COP1: variants seen among roughly 807,000 people sequenced by gnomAD.
COP1 encodes E3 ubiquitin-protein ligase COP1.
A neutral mutation model predicts 101.3 loss-of-function variants in COP1; 24 were observed. The ratio of observed to expected loss-of-function variants is 0.24; its 90% CI spans 0.17 to 0.33. COP1 has a LOEUF of 0.33. COP1 is among the 10% of genes least tolerant of loss of function. The pLI, the probability that COP1 is intolerant of heterozygous loss-of-function variation, is 1.00. For missense variants in COP1, 663 were observed against 906.2 expected, an observed-to-expected ratio of 0.73 and a Z score of 3.45; for synonymous variants, 347 against 341.9, an observed-to-expected ratio of 1.01 and a Z score of -0.17.
chr1:175,994,188 A>G (rs1337935673), intron 15 of COP1, among the ~76,000 whole-genome samples: 1 of 152,188 alleles, frequency 6.6e-6, no homozygotes, highest in Non-Finnish European at 1.5e-5. Context: ...ACAGACAAAC[A>G]AATGCTGAGA....
intron 9 of COP1, among the ~76,000 whole-genome samples, chr1:176,095,565 C>T (rs1682193166): frequency 6.6e-6 from 1 of 151,996 alleles, no homozygotes; most frequent in Non-Finnish European, 1.5e-5. Flanking sequence ...ACCTGCAGTC[C>T]CAGCTATTGG....
intron 11 of COP1, among the ~76,000 whole-genome samples, chr1:176,067,556 G>C (rs1676214443): frequency 6.6e-6 from 1 of 152,056 alleles, no homozygotes; most frequent in Non-Finnish European, 1.5e-5. Flanking sequence ...CCTGGCCACT[G>C]AGCGGCCCGA....
chr1:176,004,916 C>T (rs1447485616), intron 15 of COP1, among the ~76,000 whole-genome samples: 2 of 151,620 alleles, frequency 1.3e-5, no homozygotes, highest in African/African-American at 4.8e-5. Context: ...GGAATAGTTT[C>T]AGAAGGAATG....
At chr1:175,959,175 T>A (rs935658941) in intron 18 of COP1, among the ~76,000 whole-genome samples, 7 of 151,824 alleles carry the variant, frequency 4.6e-5, no homozygotes, top group Admixed American at 1.3e-4. Context: ...TAAAAAAAAA[T>A]TTCACCTACT....
chr1:175,973,343 T>C (rs1024289866), intron 18 of COP1, among the ~76,000 whole-genome samples: 2 of 152,224 alleles, frequency 1.3e-5, no homozygotes, highest in Non-Finnish European at 2.9e-5. Flanking sequence ...CCTAAACTTC[T>C]ATAGTTTGCA....
intron 11 of COP1, among the ~76,000 whole-genome samples, chr1:176,071,231 T>A (rs891487662): frequency 1.2e-4 from 18 of 152,020 alleles, no homozygotes; most frequent in Admixed American, 6.6e-5. Context: ...CCCCTCACTC[T>A]CTCTCACTTG....
At chr1:176,033,927 T>C (rs1669052759) in intron 14 of COP1, among the ~76,000 whole-genome samples, 1 of 152,276 alleles carries the variant, frequency 6.6e-6, no homozygotes, top group African/African-American at 2.4e-5. Context: ...ACAAAGGCAA[T>C]ATTTTATATG....
intron 12 of COP1, among the ~76,000 whole-genome samples, chr1:176,045,436 A>G (rs773120761): frequency 2.0e-5 from 3 of 152,152 alleles, no homozygotes; most frequent in Non-Finnish European, 4.4e-5. Flanking sequence ...TATGTATGCC[A>G]TTCATTAAAG....
At position 176,046,342 on chromosome 1, in the gene COP1, G is replaced by C; in HGVS notation, c.1278-18C>G. ...ATTCAATACTAAGGGGAAAAAGTAT[G>C]TAATGACAACATTTCAGAATTTGCT... On this transcript the variant is annotated intron_variant, in intron 11 of 19. Coordinates refer to ENST00000367669, the MANE Select transcript of COP1 (RefSeq NM_022457.7). The C allele has an allele frequency of 6.2e-7, 1 of 1,600,852 alleles. No homozygotes were observed. Among genetic ancestry groups the C allele is most frequent in the Non-Finnish European group, 8.5e-7 (1 of 1,176,138 alleles).
At chr1:175,957,844 T>C (rs543729595) in intron 18 of COP1, among the ~76,000 whole-genome samples, 2 of 152,240 alleles carry the variant, frequency 1.3e-5, no homozygotes, top group East Asian at 3.9e-4. Flanking sequence ...GGATTACTAA[T>C]AAGAAGGAAC....
At chr1:176,167,580 T>C (rs1327443568) in intron 3 of COP1, among the ~76,000 whole-genome samples, 4 of 152,218 alleles carry the variant, frequency 2.6e-5, no homozygotes, top group Non-Finnish European at 4.4e-5. Flanking sequence ...CCTAAGGATG[T>C]TATACATTTG....
chr1:176,115,619 C>T (rs948556558), intron 9 of COP1, among the ~76,000 whole-genome samples: 1 of 151,638 alleles, frequency 6.6e-6, no homozygotes, highest in East Asian at 1.9e-4. Context: ...CGTGGTGGCG[C>T]GTGCCTGTAG....
intron 15 of COP1, among the ~76,000 whole-genome samples, chr1:176,008,032 G>A (rs1472824768): frequency 6.6e-6 from 1 of 152,228 alleles, no homozygotes; most frequent in Non-Finnish European, 1.5e-5. Context: ...CCAGGTGCGG[G>A]ATATAATCTC....
intron 9 of COP1, among the ~76,000 whole-genome samples, chr1:176,088,859 G>A (rs568335281): frequency 1.4e-4 from 22 of 151,964 alleles, no homozygotes; most frequent in Middle Eastern, 3.4e-3. Flanking sequence ...GCCAGGCATC[G>A]TGGTGCATGC....
At chr1:176,072,278 TACTC>T (rs1677135841) in intron 11 of COP1, among the ~76,000 whole-genome samples, 1 of 152,214 alleles carries the variant, frequency 6.6e-6, no homozygotes, top group African/African-American at 2.4e-5. Flanking sequence ...GAGTCCTACT[TACTC>T]TGGATCCTCT....
chr1:175,997,757 T>C (rs1230754731), intron 15 of COP1, among the ~76,000 whole-genome samples: 2 of 152,136 alleles, frequency 1.3e-5, no homozygotes, highest in Non-Finnish European at 2.9e-5. Flanking sequence ...CAACAGGTGC[T>C]GGAGAGGATG....
chr1:176,062,973 T>C (rs1675161580), intron 11 of COP1, among the ~76,000 whole-genome samples: 1 of 151,542 alleles, frequency 6.6e-6, no homozygotes, highest in South Asian at 2.1e-4. Context: ...AGCAGATAAA[T>C]AGTTGCCTGT....
chr1:176,152,735 C>T (rs75737216), intron 5 of COP1, among the ~76,000 whole-genome samples: 1,885 of 152,258 alleles, frequency 0.012, 36 homozygotes, highest in African/African-American at 0.043. Flanking sequence ...CCACTGTGCC[C>T]AGCTTAAAAT....
At chr1:176,054,230 G>A (rs1266805022) in intron 11 of COP1, among the ~76,000 whole-genome samples, 3 of 149,618 alleles carry the variant, frequency 2.0e-5, no homozygotes, top group Non-Finnish European at 3.0e-5. Flanking sequence ...GCATGATCTC[G>A]GCTCACTGCA....
Sources: allele counts gnomAD v4.1 joint callset (sites outside exome capture counted in the v4.1 genomes callset), GRCh38; gene constraint gnomAD v4.1.1; transcripts MANE v1.5; gene names NCBI Gene and HGNC (gene_info 2026-07-23, HGNC 2026-07-21).